DKK2: variants seen among roughly 807,000 people sequenced by gnomAD.
The protein encoded by DKK2 is dickkopf Wnt signaling pathway inhibitor 2, also known as dickkopf-related protein 2.
A neutral mutation model predicts 28.1 loss-of-function variants in DKK2; 11 were observed. That is an observed-to-expected ratio of 0.39 (90% CI 0.25 to 0.65). The LOEUF is 0.65. Ranked by LOEUF, DKK2 falls within the 30% of genes least tolerant of loss-of-function variation. The pLI, the probability that DKK2 is intolerant of heterozygous loss-of-function variation, is 0.47. For missense variants in DKK2, 326 were observed against 335.5 expected (o/e 0.97, Z 0.22); for synonymous variants, 135 against 126.5 (o/e 1.07, Z -0.45).
intron 1 of DKK2, among the ~76,000 whole-genome samples, chr4:106,956,838 A>G (rs1264640476): frequency 1.2e-4 from 18 of 151,302 alleles, no homozygotes; most frequent in African/African-American, 2.9e-4. Context: ...GGACATAGGC[A>G]TGGGCAAGGA....
intron 1 of DKK2, among the ~76,000 whole-genome samples, chr4:107,008,312 C>T (rs1290027899): frequency 6.6e-6 from 1 of 151,920 alleles, no homozygotes; most frequent in African/African-American, 2.4e-5. Context: ...TAAGATCTTT[C>T]AGTTTGAGTG....
At chr4:106,984,116 A>C (rs1723080632) in intron 1 of DKK2, among the ~76,000 whole-genome samples, 1 of 152,246 alleles carries the variant, frequency 6.6e-6, no homozygotes, top group Non-Finnish European at 1.5e-5. Flanking sequence ...CTTTTATCCC[A>C]GAGAAATGAA....
intron 1 of DKK2, among the ~76,000 whole-genome samples, chr4:107,031,372 A>G (rs1297057263): frequency 6.6e-6 from 1 of 151,998 alleles, no homozygotes; most frequent in African/African-American, 2.4e-5. Flanking sequence ...TATTTCAGTG[A>G]GCACTTTCAT....
intron 1 of DKK2, among the ~76,000 whole-genome samples, chr4:106,971,046 G>T (rs1722861480): frequency 6.6e-6 from 1 of 152,012 alleles, no homozygotes; most frequent in Admixed American, 6.6e-5. Flanking sequence ...TGTTTGGGTG[G>T]CCATCTTTGA....
Position 106,923,671 on chromosome 4 carries a change from T to C in DKK2, c.*283A>G, listed in dbSNP as rs1724381522. 7 of 355,908 alleles carry C rather than the reference T, an allele frequency of 2.0e-5. No individual in the cohort carries two copies. Among genetic ancestry groups the C allele is most frequent in the Non-Finnish European group, 3.6e-5 (7 of 192,298 alleles). The allele number at this position is 355,908 out of a possible 1,614,324, so 22.0% of individuals were successfully genotyped here. On this transcript the variant is annotated 3_prime_UTR_variant, in exon 4 of 4. Coordinates refer to ENST00000285311, the MANE Select transcript of DKK2 (RefSeq NM_014421.3). ...AAAGTCACATGCTACTCATCAGTAA[T>C]TTCCACTGTGTGCTTGTTCTCTTAA...
At chr4:106,966,462 T>A (rs1317420154) in intron 1 of DKK2, among the ~76,000 whole-genome samples, 1 of 152,190 alleles carries the variant, frequency 6.6e-6, no homozygotes, top group Non-Finnish European at 1.5e-5. Flanking sequence ...ACCATTCCAA[T>A]TTTCCTAAGA....
intron 1 of DKK2, among the ~76,000 whole-genome samples, chr4:106,946,734 G>A (rs1022049261): frequency 2.6e-5 from 4 of 151,824 alleles, no homozygotes; most frequent in Admixed American, 2.0e-4. Context: ...TTGTTACAAG[G>A]CTGAACAGAC....
chr4:107,020,451 T>C (rs1300284884), intron 1 of DKK2, among the ~76,000 whole-genome samples: 1 of 152,022 alleles, frequency 6.6e-6, no homozygotes, highest in East Asian at 1.9e-4. Flanking sequence ...AAGAGTACTG[T>C]GGAAGCATTA....
At position 107,029,282 on chromosome 4, in the gene DKK2, T is replaced by C. The variant is rs149976769; in HGVS notation, c.222+6088A>G. Reference sequence around the variant, plus strand: ...AGCAGCATAAGCAGGTGGTTTGATATATGGGTTCTAATATTAGATTGCTTA... The same window carrying C: ...AGCAGCATAAGCAGGTGGTTTGATACATGGGTTCTAATATTAGATTGCTTA... On this transcript the variant is annotated intron_variant, in intron 1 of 3. Coordinates refer to ENST00000285311, the MANE Select transcript of DKK2 (RefSeq NM_014421.3). 2.5e-4 allele frequency among the ~76,000 whole-genome samples: 38 copies of C among 152,310 alleles called. No homozygotes were observed. In the East Asian group the frequency reaches 6.4e-3, roughly 26 times the overall value.
chr4:107,004,900 C>T (rs186823869), intron 1 of DKK2, among the ~76,000 whole-genome samples: 1 of 152,176 alleles, frequency 6.6e-6, no homozygotes, highest in Non-Finnish European at 1.5e-5. Flanking sequence ...TGACTTTAAA[C>T]ATGAAAGAAG....
intron 1 of DKK2, among the ~76,000 whole-genome samples, chr4:106,983,367 A>G (rs1043980335): frequency 7.7e-6 from 1 of 130,512 alleles, no homozygotes; most frequent in Non-Finnish European, 1.7e-5. Flanking sequence ...AAAGAAAGAA[A>G]GAAGAAAGAA....
In DKK2 at chr4:106,922,215, TAA is replaced by T. The variant is rs1352126924; in HGVS notation, c.*1737_*1738del. The T allele has an allele frequency of 6.6e-6, 1 of 152,244 alleles. No homozygotes were observed. The highest frequency in any genetic ancestry group is 1.9e-4 in the East Asian group (1 of 5,192). 9.4% of individuals were successfully genotyped at this position (152,244 alleles called of 1,614,324 possible). On this transcript the variant is annotated 3_prime_UTR_variant, in exon 4 of 4. Coordinates refer to ENST00000285311, the MANE Select transcript of DKK2 (RefSeq NM_014421.3). The stretch of plus-strand genomic sequence containing the variant: ...AATATATGTGGGAAGTTGAAATTTT[TAA>T]TAGATATACAGGCTCAAACTCAATC...
chr4:106,935,949 A>C (rs1367659548), intron 1 of DKK2, among the ~76,000 whole-genome samples: 6 of 152,148 alleles, frequency 3.9e-5, no homozygotes, highest in African/African-American at 1.4e-4. Context: ...GGACATCCAC[A>C]CCAAAAACCC....
intron 1 of DKK2, among the ~76,000 whole-genome samples, chr4:106,931,570 T>C (rs996019117): frequency 1.3e-4 from 19 of 151,928 alleles, no homozygotes; most frequent in Admixed American, 7.2e-4. Flanking sequence ...AACTTGACTA[T>C]TAATTAAACA....
chr4:106,990,891 T>C (rs1723194536), intron 1 of DKK2, among the ~76,000 whole-genome samples: 1 of 152,114 alleles, frequency 6.6e-6, no homozygotes. Flanking sequence ...TCTATCTTTT[T>C]ATCTTTGACT....
intron 3 of DKK2, 142 bp downstream of exon 3, chr4:106,924,403 C>A: frequency 7.8e-7 from 1 of 1,274,168 alleles, no homozygotes; most frequent in Admixed American, 2.6e-5. Flanking sequence ...CCATTATTTG[C>A]CACCTAAATA....
chr4:106,935,018 A>G (rs115267721), intron 1 of DKK2, among the ~76,000 whole-genome samples: 3,538 of 152,142 alleles, frequency 0.023, 66 homozygotes, highest in Middle Eastern at 0.044. Flanking sequence ...GATTACCTAC[A>G]GAGTTTGAGC....
intron 1 of DKK2, among the ~76,000 whole-genome samples, chr4:106,983,116 A>T (rs1274392975): frequency 6.6e-6 from 1 of 151,788 alleles, no homozygotes; most frequent in Non-Finnish European, 1.5e-5. Flanking sequence ...AGAAATCAGA[A>T]ATTATGCAAT....
intron 1 of DKK2, among the ~76,000 whole-genome samples, chr4:107,032,682 T>A (rs1723892385): frequency 6.6e-6 from 1 of 152,080 alleles, no homozygotes; most frequent in African/African-American, 2.4e-5. Flanking sequence ...CCTGTATCCC[T>A]GAAAGGAATA....
Sources: allele counts gnomAD v4.1 joint callset (sites outside exome capture counted in the v4.1 genomes callset), GRCh38; gene constraint gnomAD v4.1.1; transcripts MANE v1.5; gene names NCBI Gene and HGNC (gene_info 2026-07-23, HGNC 2026-07-21).